The following ZFHX3 variants were observed in gnomAD, a reference collection of about 807,000 sequenced individuals.
The protein encoded by ZFHX3 is zinc finger homeobox 3, also known as zinc finger homeobox protein 3.
ZFHX3 carries 42 observed loss-of-function variants against 279.1 expected under a neutral mutation model. The ratio of observed to expected loss-of-function variants is 0.15; its 90% CI spans 0.12 to 0.19. The LOEUF is 0.19. Ranked by LOEUF, ZFHX3 falls within the 10% of genes least tolerant of loss-of-function variation. The pLI is 1.00. For missense variants in ZFHX3, 4,981 were observed against 4,754.0 expected (o/e 1.05, Z -1.40); for synonymous variants, 2,293 against 1,957.8 (o/e 1.17, Z -4.52).
chr16:73,859,789 T>C (rs1273822307), intron 1 of ZFHX3, among the ~76,000 whole-genome samples: 1 of 152,152 alleles, frequency 6.6e-6, no homozygotes, highest in Non-Finnish European at 1.5e-5. Context: ...AAAGCCTAAA[T>C]ATAAAATTCA....
intron 2 of ZFHX3, among the ~76,000 whole-genome samples, chr16:73,539,583 G>A (rs552541306): frequency 6.6e-6 from 1 of 151,526 alleles, no homozygotes; most frequent in East Asian, 1.9e-4. Flanking sequence ...CAACACCGTG[G>A]GTCAAGATAT....
chr16:73,294,642 C>T (rs1247582861), intron 4 of ZFHX3, among the ~76,000 whole-genome samples: 1 of 151,722 alleles, frequency 6.6e-6, no homozygotes, highest in Non-Finnish European at 1.5e-5. Flanking sequence ...GAAACCCTGT[C>T]TCTACTAAAA....
At chr16:73,821,546 G>T (rs1960740731) in intron 1 of ZFHX3, among the ~76,000 whole-genome samples, 1 of 152,218 alleles carries the variant, frequency 6.6e-6, no homozygotes, top group Non-Finnish European at 1.5e-5. Context: ...CCTCAGGACT[G>T]TTATGACAAC....
chr16:73,008,911 C>CGTGTGT (rs5817822), intron 1 of ZFHX3, among the ~76,000 whole-genome samples: 4,076 of 149,688 alleles, frequency 0.027, 187 homozygotes, highest in African/African-American at 0.094. Flanking sequence ...AAAGTATATA[C>CGTGTGT]GTGTGTGTGT....
chr16:73,297,952 A>AG (rs1347863001), intron 4 of ZFHX3, among the ~76,000 whole-genome samples: 1 of 151,794 alleles, frequency 6.6e-6, no homozygotes, highest in Non-Finnish European at 1.5e-5. Context: ...TGGGAGGCTG[A>AG]GGGGGGAAGG....
At chr16:73,155,634 C>T (rs566499117) in intron 5 of ZFHX3, among the ~76,000 whole-genome samples, 3 of 152,142 alleles carry the variant, frequency 2.0e-5, no homozygotes, top group East Asian at 3.9e-4. Flanking sequence ...ACCAGCCTGG[C>T]CAATGTGGTG....
chr16:72,865,925 C>T (rs9936586), intron 4 of ZFHX3, among the ~76,000 whole-genome samples: 9,549 of 152,252 alleles, frequency 0.063, 781 homozygotes, highest in African/African-American at 0.18. Flanking sequence ...GAAGATTCCA[C>T]ATGCCACCGG....
At chr16:73,155,219 A>AT (rs961361671) in intron 5 of ZFHX3, among the ~76,000 whole-genome samples, 20 of 150,712 alleles carry the variant, frequency 1.3e-4, no homozygotes, top group Non-Finnish European at 2.4e-4. Flanking sequence ...AAATAAAAAG[A>AT]TTTTTTTTTC....
chr16:73,336,035 G>A (rs2015905869), intron 3 of ZFHX3, among the ~76,000 whole-genome samples: 1 of 152,164 alleles, frequency 6.6e-6, no homozygotes, highest in Admixed American at 6.5e-5. Context: ...TCTAAGTTGT[G>A]TTAACAGCTG....
At chr16:73,794,801 T>G (rs983848640) in intron 1 of ZFHX3, among the ~76,000 whole-genome samples, 1 of 152,238 alleles carries the variant, frequency 6.6e-6, no homozygotes, top group Non-Finnish European at 1.5e-5. Context: ...GTTTACATAT[T>G]ACATAGAAAT....
chr16:73,430,926 G>A (rs1441615230), intron 3 of ZFHX3, among the ~76,000 whole-genome samples: 6 of 152,194 alleles, frequency 3.9e-5, no homozygotes, highest in African/African-American at 9.6e-5. Flanking sequence ...GACATACTGG[G>A]GACAAAATGG....
At chr16:73,112,715 CAAAAAAA>C (rs56149570) in intron 7 of ZFHX3, among the ~76,000 whole-genome samples, 1 of 30,258 alleles carries the variant, frequency 3.3e-5, no homozygotes, top group Non-Finnish European at 5.4e-5. Flanking sequence ...GACTCCATCT[CAAAAAAA>C]AAAAAAAAAA....
intron 3 of ZFHX3, among the ~76,000 whole-genome samples, chr16:73,334,387 A>T (rs1325738280): frequency 6.6e-6 from 1 of 152,296 alleles, no homozygotes; most frequent in East Asian, 1.9e-4. Context: ...TGAGAGCTGA[A>T]AACTCATTAA....
chr16:73,074,763 ATTCC>A (rs1261736053), intron 8 of ZFHX3, among the ~76,000 whole-genome samples: 2 of 147,170 alleles, frequency 1.4e-5, no homozygotes, highest in African/African-American at 2.5e-5. Flanking sequence ...CCTAAACCAA[ATTCC>A]TTCCTTCCTT....
intron 3 of ZFHX3, among the ~76,000 whole-genome samples, chr16:72,931,696 T>A (rs962521812): frequency 9.2e-5 from 14 of 151,852 alleles, no homozygotes; most frequent in Non-Finnish European, 1.5e-5. Flanking sequence ...TGAAGGGAGA[T>A]TGGGATGATA....
At chr16:73,421,439 G>A (rs900712032) in intron 3 of ZFHX3, 2 of 152,200 alleles carry the variant, frequency 1.3e-5, no homozygotes, top group Admixed American at 1.3e-4. Flanking sequence ...CTAACAAGAC[G>A]TGAACTGAGC....
At position 72,798,092 on chromosome 16, in the gene ZFHX3, A is replaced by G. The variant is rs1697210796; in HGVS notation, c.4590T>C (p.Gly1530=). 6 of 1,614,102 alleles carry G rather than the reference A, an allele frequency of 3.7e-6. No individual in the cohort carries two copies. The highest frequency in any genetic ancestry group is 4.2e-6 in the Non-Finnish European group (5 of 1,180,008). Residue 1530 remains glycine (G), a synonymous_variant, in exon 9 of 10, where the codon GGT becomes GGC. Coordinates refer to ENST00000268489, the MANE Select transcript of ZFHX3 (RefSeq NM_006885.4). ...GGAACTTTTCCATAGTAAAATTGGG[A>G]CCTTTTCTGAAAGGCAGAGCTCTCT... ...EPKRALPFRK[G]PNFTMEKFLD... is the part of the protein sequence containing the mutation.
intron 1 of ZFHX3, among the ~76,000 whole-genome samples, chr16:73,032,835 T>C (rs1364731903): frequency 6.6e-6 from 1 of 152,060 alleles, no homozygotes; most frequent in Non-Finnish European, 1.5e-5. Flanking sequence ...CTAATACCCA[T>C]TTGTATTCAC....
chr16:73,843,314 C>A (rs1047749699), intron 1 of ZFHX3, among the ~76,000 whole-genome samples: 1 of 152,150 alleles, frequency 6.6e-6, no homozygotes, highest in Non-Finnish European at 1.5e-5. Context: ...CTGAAAAGCC[C>A]CAAGTTGCTC....
Sources: allele counts gnomAD v4.1 joint callset (sites outside exome capture counted in the v4.1 genomes callset), GRCh38; gene constraint gnomAD v4.1.1; transcripts MANE v1.5; gene names NCBI Gene and HGNC (gene_info 2026-07-23, HGNC 2026-07-21).